GRM2: variants seen among roughly 807,000 people sequenced by gnomAD.
GRM2 encodes metabotropic glutamate receptor 2.
GRM2 carries 35 observed loss-of-function variants against 60.4 expected under a neutral mutation model. That is an observed-to-expected ratio of 0.58 (90% CI 0.44 to 0.77). GRM2 has a LOEUF of 0.77. GRM2 is among the 30% of genes least tolerant of loss of function. The probability of loss-of-function intolerance (pLI) is 0.00; values close to 1 mark genes in which losing one functional copy is unlikely to be tolerated. For synonymous variants in GRM2, 437 were observed against 484.1 expected (o/e 0.90, Z 1.28); for missense variants, 925 against 1,199.5 (o/e 0.77, Z 3.38).
Position 51,713,704 on chromosome 3 carries a change from G to A in GRM2, c.1288+394G>A. ...CATCAGGATGACGCTCTATATTCAC[G>A]GAAAATGTCTTTCTGTCTTTCTTTT... On this transcript the variant is annotated intron_variant, in intron 3 of 5. Transcript: ENST00000395052. This position sits in a 1 kb window ranked among gnomAD's most constrained non-coding sequence, Gnocchi z 4.8. The A allele has an allele frequency of 3.6e-6, 1 of 275,934 alleles. No homozygotes were observed. The highest frequency in any genetic ancestry group is 7.0e-6 in the Non-Finnish European group (1 of 143,540). The allele number at this position is 275,934 out of a possible 1,614,324, so 17.1% of individuals were successfully genotyped here.
In GRM2 at chr3:51,718,064, T is replaced by C; in HGVS notation, c.2571T>C (p.Thr857=). ...GQGSGSQFVP[T]VCNGREVVDS... ...GGTCTGGCTCCCAGTTTGTCCCCAC[T>C]GTTTGCAATGGCCGTGAGGTGGTGG... is the stretch of plus-strand genomic sequence containing the variant. Residue 857 remains threonine, a synonymous_variant, in exon 6 of 6, where the codon ACT becomes ACC. Transcript: ENST00000395052. The surrounding 1 kb of genome is among the most constrained non-coding windows in gnomAD (Gnocchi z 4.2). 6.2e-7 allele frequency: 1 copy of C among 1,614,182 alleles called. No homozygotes were observed. Among genetic ancestry groups the C allele is most frequent in the Non-Finnish European group, 8.5e-7 (1 of 1,180,016 alleles).
rs1225927368 is a variant in GRM2, at chr3:51,711,064, A to C, written c.451-1409A>C. On this transcript the variant is annotated intron_variant, in intron 2 of 5. Coordinates refer to ENST00000395052, the MANE Select transcript of GRM2 (RefSeq NM_000839.5). ...CAGGAGAAATGGAGCAGAAGCAGAA[A>C]TCAGAGAACCCTGGAGTCAGCTACC... Among the ~76,000 whole-genome samples, 4 of 152,238 alleles carry C rather than the reference A, an allele frequency of 2.6e-5. No homozygotes were observed. The East Asian group carries it at 5.8e-4, about 22-fold the overall frequency.
rs772370976 is a variant in GRM2, at chr3:51,712,493, A to T, written c.471A>T (p.Leu157=). The T allele has an allele frequency of 1.9e-6, 3 of 1,613,238 alleles. No homozygotes were observed. Among genetic ancestry groups the T allele is most frequent in the Admixed American group, 3.3e-5 (2 of 59,984 alleles). ...VSIQVANLLR[L]FQIPQISYAS... ...CCCAGGTGGCCAACCTCTTGAGGCT[A>T]TTTCAGATCCCACAGATTAGCTACG... Residue 157 remains leucine, a synonymous_variant, in exon 3 of 6, where the codon CTA becomes CTT. Coordinates refer to ENST00000395052, the MANE Select transcript of GRM2 (RefSeq NM_000839.5). This position sits in a 1 kb window ranked among gnomAD's most constrained non-coding sequence, Gnocchi z 5.3.
chr3:51,708,032 A>T (rs1406836204), intron 1 of GRM2: 2 of 152,164 alleles, frequency 1.3e-5, no homozygotes, highest in African/African-American at 4.8e-5. Flanking sequence ...GTCGGGAGTG[A>T]AGAGAAAACA....
chr3:51,707,389 G>T, intron 1 of GRM2: 1 of 153,408 alleles, frequency 6.5e-6, no homozygotes. Context: ...CGTTCCTCCT[G>T]CTCCAGCGTC....
At chr3:51,707,808 C>G (rs143692524) in intron 1 of GRM2, 33 of 152,438 alleles carry the variant, frequency 2.2e-4, no homozygotes, top group African/African-American at 7.7e-4. Flanking sequence ...CTTTCCTGTT[C>G]TGAGGAAAGA....
intron 2 of GRM2, chr3:51,711,182 C>T (rs1703700532): frequency 6.6e-6 from 1 of 152,018 alleles, no homozygotes; most frequent in Non-Finnish European, 1.5e-5. Context: ...GGCTAGGCAG[C>T]TGTCATGCTA....
Position 51,716,245 on chromosome 3 carries a change from C to T in GRM2, c.2364+108C>T. On this transcript the variant is annotated intron_variant, in intron 4 of 5. Transcript: ENST00000395052. The surrounding 1 kb of genome is among the most constrained non-coding windows in gnomAD (Gnocchi z 4.0). ...TCTGGGGTTCCAAGAGGATAATGCC[C>T]ACTCAGGGGACCACAGCTTGTGTGG... 2 of 744,034 alleles carry T rather than the reference C, an allele frequency of 2.7e-6. No homozygotes were observed. Among genetic ancestry groups the T allele is most frequent in the Non-Finnish European group, 4.5e-6 (2 of 445,112 alleles). The allele number at this position is 744,034 out of a possible 1,614,324, so 46.1% of individuals were successfully genotyped here. A position where few individuals can be genotyped will look rare whatever the true frequency, so the allele number is the denominator to read the frequency against.
chr3:51,713,791 A>G lies in GRM2; in HGVS notation c.1288+481A>G, dbSNP rs751328838. ...TTCTTTTCTTAGATGGGGTCTCACT[A>G]TATTTTGTAGGCTGGAGTGCAGTGG... On this transcript the variant is annotated intron_variant, in intron 3 of 5. Transcript: ENST00000395052. The surrounding 1 kb of genome is among the most constrained non-coding windows in gnomAD (Gnocchi z 4.8). The G allele has an allele frequency of 6.6e-5, 14 of 212,670 alleles. No homozygotes were observed. Among genetic ancestry groups the G allele is most frequent in the Non-Finnish European group, 1.2e-4 (12 of 103,536 alleles). 13.2% of individuals were successfully genotyped at this position (212,670 alleles called of 1,614,324 possible). A position where few individuals can be genotyped will look rare whatever the true frequency, so the allele number is the denominator to read the frequency against.
rs759017134 is a variant in GRM2, at chr3:51,709,353, G to C, written c.370G>C (p.Gly124Arg). ...TGGCTCACGCCACATCTGCCCCGACGGCTCTTATGCGACCCATGGTGATGC... is the reference window on the plus strand; with the variant it reads ...TGGCTCACGCCACATCTGCCCCGACCGCTCTTATGCGACCCATGGTGATGC... ...ADGSRHICPD[G>R]SYATHGDAPT... The change falls in exon 2 of 6, where the codon GGC becomes CGC. Residue 124 changes from glycine (G) to arginine (R), a missense_variant. By Grantham distance (125) the Gly-to-Arg change is moderately radical. Transcript: ENST00000395052. 1.9e-6 allele frequency: 3 copies of C among 1,592,138 alleles called. No individual in the cohort carries two copies. The highest frequency in any genetic ancestry group is 4.5e-5 in the East Asian group (2 of 44,274).
intron 2 of GRM2, chr3:51,711,500 C>T (rs1482143852): frequency 6.6e-6 from 1 of 152,354 alleles, no homozygotes; most frequent in Admixed American, 6.5e-5. Flanking sequence ...CTCCCTCGTC[C>T]TGATCAACAC....
rs150728225 is a variant in GRM2 at position 51,710,298 on chromosome 3, A to G, written c.450+865A>G. On this transcript the variant is annotated intron_variant, in intron 2 of 5. Transcript: ENST00000395052. ...CATGAGCCACTGTGCCCGGCCCACAACACTTTCTACTTTGAGGTTTGCCAT... is the reference window on the plus strand; with the variant it reads ...CATGAGCCACTGTGCCCGGCCCACAGCACTTTCTACTTTGAGGTTTGCCAT... Among the ~76,000 whole-genome samples the G allele has an allele frequency of 7.9e-5, 12 of 152,278 alleles. No individual in the cohort carries two copies. In the East Asian group the frequency reaches 2.3e-3, roughly 29 times the overall value.
In GRM2 at chr3:51,709,431, C is replaced by G; in HGVS notation, c.448C>G (p.Gln150Glu). The change falls in exon 2 of 6, where the codon CAG (glutamine) becomes GAG (glutamate). Residue 150 changes from glutamine (Q) to glutamate (E), a missense_variant and splice_region_variant. Physicochemically the swap from Gln to Glu is conservative, Grantham distance 29. Transcript: ENST00000395052. The stretch of plus-strand genomic sequence containing the variant: ...CGGTTCCTACAGTGATGTCTCCATC[C>G]AGGTACGTGGAAGCCACCCAAATGG... ...IGGSYSDVSIQVANLLRLFQI... is the reference protein window; with the variant it reads ...IGGSYSDVSIEVANLLRLFQI... 1 of 1,531,786 alleles carries G rather than the reference C, an allele frequency of 6.5e-7. No homozygotes were observed. Among genetic ancestry groups the G allele is most frequent in the South Asian group, 1.2e-5 (1 of 80,752 alleles). 94.9% of individuals were successfully genotyped at this position (1,531,786 alleles called of 1,614,324 possible). A position where few individuals can be genotyped will look rare whatever the true frequency, so the allele number is the denominator to read the frequency against.
chr3:51,713,264 C>T lies in GRM2; in HGVS notation c.1242C>T (p.Asn414=), dbSNP rs533647878. 43 of 1,612,570 alleles carry T rather than the reference C, an allele frequency of 2.7e-5. No individual in the cohort carries two copies. Among genetic ancestry groups the T allele is most frequent in the African/African-American group, 1.7e-4 (13 of 74,942 alleles). The change falls in exon 3 of 6, where the codon AAC becomes AAT. Residue 414 remains asparagine (N), a synonymous_variant. Coordinates refer to ENST00000395052, the MANE Select transcript of GRM2 (RefSeq NM_000839.5). This position sits in a 1 kb window ranked among gnomAD's most constrained non-coding sequence, Gnocchi z 4.8. ...TCTGTGACGCGATGCGGCCAGTTAA[C>T]GGGCGCCGCCTCTACAAGGACTTTG... The part of the protein sequence containing the change: ...TRLCDAMRPV[N]GRRLYKDFVL...
chr3:51,709,506 G>A, intron 2 of GRM2, 73 bp downstream of exon 2: 1 of 1,044,852 alleles, frequency 9.6e-7, no homozygotes, highest in Non-Finnish European at 1.4e-6. Context: ...CTGCTGAAAA[G>A]GGGCTCATGG....
chr3:51,713,927 G>GA lies in GRM2; in HGVS notation c.1288+621dup, dbSNP rs769390545. 34 of 452,742 alleles carry GA rather than the reference G, an allele frequency of 7.5e-5. No homozygotes were observed. The Middle Eastern group carries it at 2.3e-3, about 30-fold the overall frequency. The allele number at this position is 452,742 out of a possible 1,614,324, so 28.0% of individuals were successfully genotyped here. Reference sequence around the variant, plus strand: ...ATGTGGCACTGCTCCTAGCTTCAGGGAAAATTTCTATTCCTAATCTTGATT... The same window carrying GA: ...ATGTGGCACTGCTCCTAGCTTCAGGGAAAAATTTCTATTCCTAATCTTGATT... On this transcript the variant is annotated intron_variant, in intron 3 of 5. Transcript: ENST00000395052. This position sits in a 1 kb window ranked among gnomAD's most constrained non-coding sequence, Gnocchi z 4.8.
chr3:51,713,714 T>C lies in GRM2; in HGVS notation c.1288+404T>C. ...ACGCTCTATATTCACGGAAAATGTC[T>C]TTCTGTCTTTCTTTTTTCTTTTCTT... On this transcript the variant is annotated intron_variant, in intron 3 of 5. Coordinates refer to ENST00000395052, the MANE Select transcript of GRM2 (RefSeq NM_000839.5). The surrounding 1 kb of genome is among the most constrained non-coding windows in gnomAD (Gnocchi z 4.8). The C allele has an allele frequency of 3.8e-6, 1 of 264,042 alleles. No individual in the cohort carries two copies. The highest frequency in any genetic ancestry group is 7.4e-6 in the Non-Finnish European group (1 of 135,508). The allele number at this position is 264,042 out of a possible 1,614,324, so 16.4% of individuals were successfully genotyped here.
chr3:51,718,093 C>T lies in GRM2; in HGVS notation c.2600C>T (p.Ser867Leu), dbSNP rs746860293. 14 of 1,613,964 alleles carry T rather than the reference C, an allele frequency of 8.7e-6. No homozygotes were observed. Among genetic ancestry groups the T allele is most frequent in the Admixed American group, 1.7e-5 (1 of 59,998 alleles). ...TGCAATGGCCGTGAGGTGGTGGACT[C>T]GACAACGTCATCGCTTTGAAGACCC... ...TVCNGREVVDSTTSSL is the reference protein window; with the variant it reads ...TVCNGREVVDLTTSSL The change falls in exon 6 of 6, where the codon TCG (serine) becomes TTG (leucine). Residue 867 changes from serine (S) to leucine (L), a missense_variant. By Grantham distance (145) the Ser-to-Leu change is moderately radical (BLOSUM62 -2). Transcript: ENST00000395052. This position sits in a 1 kb window ranked among gnomAD's most constrained non-coding sequence, Gnocchi z 4.2.
intron 1 of GRM2, 30 bp from the exon 2 acceptor site, chr3:51,708,818 C>CT: frequency 1.8e-6 from 1 of 551,430 alleles, no homozygotes; most frequent in South Asian, 3.0e-5. Flanking sequence ...TTTTCCTGGT[C>CT]TGTTTTTCTG....
Sources: gnomAD v4.1 joint callset for allele counts (sites outside exome capture counted in the v4.1 genomes callset) on GRCh38, gnomAD v4.1.1 for gene constraint, Gnocchi (gnomAD v3.1) non-coding constraint, MANE v1.5 for transcripts, NCBI Gene and HGNC (gene_info 2026-07-23, HGNC 2026-07-21) for gene names.